CACNA1C: variants seen among roughly 807,000 people sequenced by gnomAD.
The protein encoded by CACNA1C is voltage-dependent L-type calcium channel subunit alpha-1C.
In CACNA1C, 30 loss-of-function variants were observed where a neutral mutation model predicts 229.0. The ratio of observed to expected loss-of-function variants is 0.13; its 90% CI spans 0.10 to 0.18. The LOEUF (loss-of-function observed/expected upper bound fraction) is 0.18. CACNA1C is among the 10% of genes least tolerant of loss of function. The pLI, the probability that CACNA1C is intolerant of heterozygous loss-of-function variation, is 1.00. For missense variants in CACNA1C, 1,658 were observed against 2,845.0 expected (o/e 0.58, Z 9.49); for synonymous variants, 1,114 against 1,132.5 (o/e 0.98, Z 0.33).
intron 3 of CACNA1C, among the ~76,000 whole-genome samples, chr12:2,391,421 G>A (rs761793519): frequency 1.3e-5 from 2 of 152,182 alleles, no homozygotes; most frequent in Non-Finnish European, 2.9e-5. Context: ...TTTGGGCAAC[G>A]TCTAACCCCA....
intron 10 of CACNA1C, among the ~76,000 whole-genome samples, chr12:2,555,722 C>T (rs1458867956): frequency 6.6e-6 from 1 of 152,222 alleles, no homozygotes; most frequent in Non-Finnish European, 1.5e-5. Flanking sequence ...GCAGTAAAGG[C>T]GCTTGGCTCA....
intron 3 of CACNA1C, among the ~76,000 whole-genome samples, chr12:2,203,284 A>G (rs1225965367): frequency 6.6e-6 from 1 of 152,138 alleles, no homozygotes; most frequent in Admixed American, 6.5e-5. Flanking sequence ...AGGAACAGTT[A>G]TGGACATTGG....
chr12:2,665,110 A>C lies in CACNA1C; in HGVS notation c.4398+120A>C. The stretch of plus-strand genomic sequence containing the variant: ...CCCTATCAGAGGAGCTGGCTTGGGA[A>C]GACTAAGTTGGCAGGAGTGTCCAGC... On this transcript the variant is annotated intron_variant, in intron 35 of 46. Transcript: ENST00000399655. The surrounding 1 kb of genome is among the most constrained non-coding windows in gnomAD (Gnocchi z 5.9). 9.3e-7 allele frequency: 1 copy of C among 1,069,932 alleles called. No individual in the cohort carries two copies. The highest frequency in any genetic ancestry group is 2.5e-5 in the East Asian group (1 of 40,212). 66.3% of individuals were successfully genotyped at this position (1,069,932 alleles called of 1,614,324 possible). A position where few individuals can be genotyped will look rare whatever the true frequency, so the allele number is the denominator to read the frequency against.
intron 19 of CACNA1C, among the ~76,000 whole-genome samples, chr12:2,593,772 T>A (rs1455181657): frequency 6.6e-6 from 1 of 152,244 alleles, no homozygotes; most frequent in East Asian, 1.9e-4. Context: ...TGAGTCTTAC[T>A]GTTATATAGA....
At chr12:2,438,272 GTAATGATAGTGGTAA>G (rs2099167777) in intron 3 of CACNA1C, among the ~76,000 whole-genome samples, 1 of 130,722 alleles carries the variant, frequency 7.6e-6, no homozygotes, top group African/African-American at 3.0e-5. Flanking sequence ...GGTGGTGGTG[GTAATGATAGTGGTAA>G]TGATGGTGGT....
chr12:2,454,173 T>G (rs1396951207), intron 4 of CACNA1C, among the ~76,000 whole-genome samples: 2 of 152,328 alleles, frequency 1.3e-5, no homozygotes, highest in Non-Finnish European at 2.9e-5. Context: ...CCTTGTGCCT[T>G]GAGGACAAGG....
intron 29 of CACNA1C, among the ~76,000 whole-genome samples, chr12:2,619,338 C>T (rs143543835): frequency 6.6e-6 from 1 of 152,354 alleles, no homozygotes; most frequent in African/African-American, 2.4e-5. Flanking sequence ...ATCCCTACGC[C>T]TGGGGAGTTT....
intron 9 of CACNA1C, among the ~76,000 whole-genome samples, chr12:2,539,811 T>G (rs2099864685): frequency 8.7e-6 from 1 of 114,750 alleles, no homozygotes; most frequent in Non-Finnish European, 1.8e-5. Context: ...CAGGCAGGGT[T>G]TAAGGACTTA....
At chr12:2,128,300 A>C (rs1409777301) in intron 3 of CACNA1C, among the ~76,000 whole-genome samples, 1 of 152,224 alleles carries the variant, frequency 6.6e-6, no homozygotes, top group Non-Finnish European at 1.5e-5. Flanking sequence ...TATTTTAAAG[A>C]TTAAACACTC....
intron 3 of CACNA1C, among the ~76,000 whole-genome samples, chr12:2,211,472 T>C (rs2097914345): frequency 6.6e-6 from 1 of 152,242 alleles, no homozygotes; most frequent in Non-Finnish European, 1.5e-5. Flanking sequence ...CTGTTGCTGC[T>C]GTAGTTTTGT....
intron 3 of CACNA1C, among the ~76,000 whole-genome samples, chr12:2,274,657 C>A (rs1030995019): frequency 6.6e-6 from 1 of 152,190 alleles, no homozygotes; most frequent in Non-Finnish European, 1.5e-5. Context: ...GAAACTGAGG[C>A]CCCTGGAACT....
intron 29 of CACNA1C, among the ~76,000 whole-genome samples, chr12:2,629,461 A>G (rs1157093617): frequency 6.6e-6 from 1 of 152,208 alleles, no homozygotes; most frequent in Non-Finnish European, 1.5e-5. Flanking sequence ...ATCAGGACAC[A>G]TGTGCCTTGT....
chr12:2,226,166 CACACACAG>C (rs1183058363), intron 3 of CACNA1C, among the ~76,000 whole-genome samples: 203 of 136,120 alleles, frequency 1.5e-3, no homozygotes, highest in South Asian at 5.4e-3. Flanking sequence ...CACACACACA[CACACACAG>C]TTTTCTTCAT....
chr12:2,675,582 G>A (rs2096765501), intron 39 of CACNA1C, among the ~76,000 whole-genome samples: 1 of 152,182 alleles, frequency 6.6e-6, no homozygotes, highest in Admixed American at 6.5e-5. Flanking sequence ...TTTCCAAAAT[G>A]CGAACCTCTC....
chr12:2,013,291 G>T (rs1302769930), intron 1 of CACNA1C, among the ~76,000 whole-genome samples: 1 of 152,090 alleles, frequency 6.6e-6, no homozygotes, highest in Non-Finnish European at 1.5e-5. Context: ...GTGCCTGCCT[G>T]GTATGAAGCT....
At position 2,493,458 on chromosome 12, in the gene CACNA1C, TCTC is replaced by T; in HGVS notation, c.1113+80_1113+82del. The T allele has an allele frequency of 8.8e-7, 1 of 1,140,496 alleles. No individual in the cohort carries two copies. Among genetic ancestry groups the T allele is most frequent in the African/African-American group, 1.5e-5 (1 of 65,906 alleles). 70.6% of individuals were successfully genotyped at this position (1,140,496 alleles called of 1,614,324 possible). On this transcript the variant is annotated intron_variant, in intron 7 of 46. Transcript: ENST00000399655. This position sits in a 1 kb window ranked among gnomAD's most constrained non-coding sequence, Gnocchi z 4.6. ...TGAACCCTTCCCTGACACCTCCCTT[TCTC>T]CTCCTCCCCATGGTCTTGGGGTCAC...
intron 30 of CACNA1C, chr12:2,641,587 C>A: frequency 1.6e-6 from 1 of 621,212 alleles, no homozygotes. Flanking sequence ...CAACAGCCCC[C>A]ACCCCCAACA....
At position 2,062,666 on chromosome 12, in the gene CACNA1C, G is replaced by T. The variant is rs964085183; in HGVS notation, c.49+9055G>T. ...TGGCTTTCTTTCCCCTTATTCCCAG[G>T]GTTTCTGCCAGGGCCCTCCTTGCTT... On this transcript the variant is annotated intron_variant, in intron 1 of 46. Transcript: ENST00000399655. 2.0e-5 allele frequency among the ~76,000 whole-genome samples: 3 copies of T among 152,090 alleles called. No individual in the cohort carries two copies. In the South Asian group the frequency reaches 6.2e-4, roughly 32 times the overall value.
chr12:2,339,527 TATA>T (rs1376520838), intron 3 of CACNA1C, among the ~76,000 whole-genome samples: 4 of 152,260 alleles, frequency 2.6e-5, no homozygotes, highest in African/African-American at 9.6e-5. Context: ...TGATGACTCT[TATA>T]ATAACATGTA....
Sources: gnomAD v4.1 joint callset for allele counts (sites outside exome capture counted in the v4.1 genomes callset) on GRCh38, gnomAD v4.1.1 for gene constraint, Gnocchi (gnomAD v3.1) non-coding constraint, MANE v1.5 for transcripts, NCBI Gene and HGNC (gene_info 2026-07-23, HGNC 2026-07-21) for gene names.